STIM2: variants seen among roughly 807,000 people sequenced by gnomAD.
STIM2 encodes stromal interaction molecule 2.
STIM2 carries 31 observed loss-of-function variants against 85.8 expected under a neutral mutation model. That is an observed-to-expected ratio of 0.36 (90% confidence interval 0.27 to 0.49). STIM2 has a LOEUF of 0.49. STIM2 is among the 20% of genes least tolerant of loss of function. STIM2 has a pLI of 0.98. For missense variants in STIM2, 841 were observed against 927.6 expected, an observed-to-expected ratio of 0.91 and a Z score of 1.21; for synonymous variants, 356 against 331.1, an observed-to-expected ratio of 1.08 and a Z score of -0.82.
chr4:26,908,157 G>T (rs562629918), intron 1 of STIM2, among the ~76,000 whole-genome samples: 1 of 152,148 alleles, frequency 6.6e-6, no homozygotes, highest in Non-Finnish European at 1.5e-5. Flanking sequence ...TGCTTTGGAG[G>T]TTATACTTCT....
At position 27,007,582 on chromosome 4, in the gene STIM2, G is replaced by C. The variant is rs749732722; in HGVS notation, c.1031G>C (p.Ser344Thr). 1.3e-6 allele frequency: 2 copies of C among 1,593,628 alleles called. No individual in the cohort carries two copies. Among genetic ancestry groups the C allele is most frequent in the African/African-American group, 1.3e-5 (1 of 74,362 alleles). ...GAAAAAGAATTTGAACTGAGAAGCA[G>C]TTGGTCTGTTCCAGATGCACTTCAG... is the stretch of plus-strand genomic sequence containing the variant. Residue 344 changes from serine to threonine, a missense_variant, in exon 8 of 12, where the codon AGT (serine) becomes ACT (threonine). Physicochemically the swap from Ser to Thr is moderately conservative, Grantham distance 58. Around this residue, in one of 3 missense-constraint regions of STIM2, gnomAD observed 408 missense variants for 525.4 expected, o/e 0.78. Transcript: ENST00000467087.
Position 26,861,188 on chromosome 4 carries a change from C to T in STIM2, c.-31C>T, listed in dbSNP as rs1277887086. On this transcript the variant is annotated 5_prime_UTR_variant, in exon 1 of 12. Coordinates refer to ENST00000467087, the MANE Select transcript of STIM2 (RefSeq NM_020860.4). ...CCTCGACTCCTGGCCCAGCGTGGGG[C>T]TGGCTGCTGCGGCGGCGGCGCTGGG... is the stretch of plus-strand genomic sequence containing the variant. 1.4e-6 allele frequency: 2 copies of T among 1,442,206 alleles called. No individual in the cohort carries two copies. The highest frequency in any genetic ancestry group is 1.8e-6 in the Non-Finnish European group (2 of 1,096,820). The allele number at this position is 1,442,206 out of a possible 1,614,324, so 89.3% of individuals were successfully genotyped here. A position where few individuals can be genotyped will look rare whatever the true frequency, so the allele number is the denominator to read the frequency against.
intron 3 of STIM2, among the ~76,000 whole-genome samples, chr4:26,986,108 A>C (rs1326996527): frequency 6.6e-6 from 1 of 152,184 alleles, no homozygotes; most frequent in Non-Finnish European, 1.5e-5. Flanking sequence ...AATTTGAGCA[A>C]GTGGCTTAAA....
At position 26,861,695 on chromosome 4, in the gene STIM2, ATT is replaced by A. The variant is rs57976994; in HGVS notation, c.151+347_151+348del. 4.2e-3 allele frequency: 517 copies of A among 124,060 alleles called. 1 individual carries two copies. The highest frequency in any genetic ancestry group is 8.1e-3 in the Middle Eastern group (2 of 246). The allele number at this position is 124,060 out of a possible 1,614,324, so 7.7% of individuals were successfully genotyped here. Reference sequence around the variant, plus strand: ...GCAGGGTCTGCAGGGGACTGGGCTGATTTTTTTTTTTTTTTTTTTTTTGAGGC... The same window carrying A: ...GCAGGGTCTGCAGGGGACTGGGCTGATTTTTTTTTTTTTTTTTTTTGAGGC... On this transcript the variant is annotated intron_variant, in intron 1 of 11. Coordinates refer to ENST00000467087, the MANE Select transcript of STIM2 (RefSeq NM_020860.4).
chr4:26,938,180 C>CT (rs541454706), intron 2 of STIM2, among the ~76,000 whole-genome samples: 11,437 of 138,766 alleles, frequency 0.082, 525 homozygotes, highest in Non-Finnish European at 0.11. Context: ...CCCAAATTTT[C>CT]TTTTTTTTTT....
intron 1 of STIM2, among the ~76,000 whole-genome samples, chr4:26,896,005 C>T (rs1048517525): frequency 6.6e-6 from 1 of 152,284 alleles, no homozygotes; most frequent in East Asian, 1.9e-4. Flanking sequence ...AGGCTGAAAT[C>T]GAGGTGTTGG....
At chr4:26,998,600 A>G (rs1728040429) in intron 4 of STIM2, among the ~76,000 whole-genome samples, 1 of 152,172 alleles carries the variant, frequency 6.6e-6, no homozygotes, top group South Asian at 2.1e-4. Flanking sequence ...TGACAGAAGT[A>G]ATTAATGACT....
chr4:26,951,134 G>A (rs1441396632), intron 2 of STIM2, among the ~76,000 whole-genome samples: 3 of 152,102 alleles, frequency 2.0e-5, no homozygotes, highest in African/African-American at 7.2e-5. Context: ...AGTTTGGATA[G>A]TCATAAAATT....
At chr4:26,916,664 ATCT>A (rs1040364968) in intron 1 of STIM2, among the ~76,000 whole-genome samples, 2 of 151,894 alleles carry the variant, frequency 1.3e-5, no homozygotes, top group Non-Finnish European at 2.9e-5. Context: ...TCTCTACCTG[ATCT>A]TCTTTTTTCT....
chr4:26,971,870 G>T (rs1726968776), intron 3 of STIM2, among the ~76,000 whole-genome samples: 1 of 152,186 alleles, frequency 6.6e-6, no homozygotes, highest in Non-Finnish European at 1.5e-5. Context: ...TCCTATCCAT[G>T]AGCATGGAAT....
chr4:26,904,744 T>C (rs933062873), intron 1 of STIM2, among the ~76,000 whole-genome samples: 1 of 151,072 alleles, frequency 6.6e-6, no homozygotes, highest in African/African-American at 2.4e-5. Flanking sequence ...TGAAGTGGGG[T>C]TGAGAGTGTT....
rs192118050 is a variant in STIM2, at chr4:26,976,815, A to C, written c.398-18564A>C. Among the ~76,000 whole-genome samples, 33 of 152,258 alleles carry C rather than the reference A, an allele frequency of 2.2e-4. No homozygotes were observed. The Middle Eastern group carries it at 0.024, about 110-fold the overall frequency. ...TGGGACTCTGTCTCAAAAAAACAAA[A>C]AAAATTATTTTTCCTGTGAGACAGG... On this transcript the variant is annotated intron_variant, in intron 3 of 11. Coordinates refer to ENST00000467087, the MANE Select transcript of STIM2 (RefSeq NM_020860.4).
chr4:26,875,196 C>G (rs1722773904), intron 1 of STIM2, among the ~76,000 whole-genome samples: 1 of 152,122 alleles, frequency 6.6e-6, no homozygotes, highest in Admixed American at 6.5e-5. Context: ...AAAATTAGAA[C>G]TCAGATCTAT....
intron 1 of STIM2, 182 bp downstream of exon 1, chr4:26,861,551 C>T: frequency 1.1e-6 from 1 of 943,536 alleles, no homozygotes. Flanking sequence ...CCTTTTCACC[C>T]CGACACCCCG....
chr4:26,940,424 T>C (rs1725569139), intron 2 of STIM2, among the ~76,000 whole-genome samples: 1 of 152,150 alleles, frequency 6.6e-6, no homozygotes, highest in Non-Finnish European at 1.5e-5. Context: ...CAACTCAGTG[T>C]CCTAAGTGCT....
chr4:26,869,291 C>G (rs1247988567), intron 1 of STIM2, among the ~76,000 whole-genome samples: 3 of 136,646 alleles, frequency 2.2e-5, no homozygotes, highest in African/African-American at 8.5e-5. Flanking sequence ...GGAGTGAGAC[C>G]CTGTCTCCAA....
intron 3 of STIM2, among the ~76,000 whole-genome samples, chr4:26,991,157 A>G (rs1353596402): frequency 6.6e-6 from 1 of 152,166 alleles, no homozygotes; most frequent in Non-Finnish European, 1.5e-5. Context: ...ACTATTCACA[A>G]TAGGCAAGAT....
chr4:26,869,434 A>C (rs1317458037), intron 1 of STIM2, among the ~76,000 whole-genome samples: 4 of 152,112 alleles, frequency 2.6e-5, no homozygotes, highest in Non-Finnish European at 5.9e-5. Context: ...GTGTGCATAG[A>C]GTTTTAAACA....
At chr4:26,934,628 A>G (rs1318303824) in intron 2 of STIM2, among the ~76,000 whole-genome samples, 4 of 152,194 alleles carry the variant, frequency 2.6e-5, no homozygotes, top group African/African-American at 9.6e-5. Context: ...TAAGAATAGA[A>G]CAAGGCTAGG....
Sources: allele counts gnomAD v4.1 joint callset (sites outside exome capture counted in the v4.1 genomes callset), GRCh38; gene constraint gnomAD v4.1.1; regional missense constraint gnomAD v4.1.1; transcripts MANE v1.5; gene names NCBI Gene and HGNC (gene_info 2026-07-23, HGNC 2026-07-21).